Variants in TENM2 observed in about 807,000 individuals in gnomAD.
TENM2 encodes teneurin transmembrane protein 2, also known as teneurin-2.
Under a neutral mutation model 245.2 loss-of-function variants are expected in TENM2, and 52 were observed. The observed-to-expected ratio is 0.21, with a 90% CI of 0.17 to 0.27. The LOEUF is 0.27. TENM2 is among the 10% of genes least tolerant of loss of function. TENM2 has a pLI of 1.00. For missense variants in TENM2, 3,046 were observed against 3,666.8 expected (o/e 0.83, Z 4.37); for synonymous variants, 1,363 against 1,438.9 (o/e 0.95, Z 1.19).
chr5:168,216,970 G>A (rs769921726), intron 22 of TENM2, 48 bp downstream of exon 24: 1 of 1,601,538 alleles, frequency 6.2e-7, no homozygotes. Flanking sequence ...CTGCCCCTTG[G>A]CCTGAGGTTC....
chr5:167,957,789 T>C lies in TENM2; in HGVS notation c.947+4967T>C, dbSNP rs192266646. 2.5e-3 allele frequency among the ~76,000 whole-genome samples: 376 copies of C among 152,314 alleles called. 4 individuals carry two copies. The highest frequency in any genetic ancestry group is 8.4e-3 in the African/African-American group (351 of 41,562). ...TTCCATGTAGTTGTGCAGATTTGAG[T>C]GAGTTTCTTAATCCTGAGTTCTAAT... On this transcript the variant is annotated intron_variant, in intron 4 of 28. Coordinates refer to ENST00000518659, the Ensembl canonical transcript of TENM2.
intron 2 of TENM2, among the ~76,000 whole-genome samples, chr5:167,817,592 C>T (rs1042984236): frequency 6.6e-6 from 1 of 152,048 alleles, no homozygotes; most frequent in Admixed American, 6.5e-5. Flanking sequence ...AAAGTAGAAC[C>T]TTTTCTCTAC....
chr5:167,615,762 G>A (rs1777753809), intron 2 of TENM2, among the ~76,000 whole-genome samples: 1 of 151,950 alleles, frequency 6.6e-6, no homozygotes, highest in African/African-American at 2.4e-5. Flanking sequence ...AAAAAGAAAG[G>A]CAAGCAATCA....
intron 2 of TENM2, among the ~76,000 whole-genome samples, chr5:167,618,828 G>T (rs1490607650): frequency 2.6e-5 from 4 of 152,026 alleles, no homozygotes; most frequent in Non-Finnish European, 5.9e-5. Flanking sequence ...CTGTATAAAT[G>T]TGTCTTATTT....
intron 7 of TENM2, among the ~76,000 whole-genome samples, chr5:168,077,327 C>T (rs1028046795): frequency 1.3e-5 from 2 of 152,236 alleles, no homozygotes; most frequent in Non-Finnish European, 2.9e-5. Flanking sequence ...AAATCTTTTT[C>T]ATTCATGCAA....
chr5:167,691,721 G>A (rs1373167476), intron 2 of TENM2, among the ~76,000 whole-genome samples: 1 of 152,154 alleles, frequency 6.6e-6, no homozygotes. Context: ...CTTCAGGGAA[G>A]AGACGCTGTG....
At chr5:167,090,088 A>AG in the TENM2 span, among the ~76,000 whole-genome samples, 10 of 152,178 alleles carry the variant, frequency 6.6e-5, no homozygotes, top group Non-Finnish European at 1.0e-4. Context: ...TTGAGTGCAC[A>AG]GGTGGGCTTA....
At chr5:168,260,344 G>A (rs373466198) in exon 28 of TENM2, 32 of 1,613,838 alleles carry the variant, frequency 2.0e-5, no homozygotes, top group East Asian at 1.6e-4. Flanking sequence ...CTGGCTTCCC[G>A]AGAGCCAAAA....
the TENM2 span, among the ~76,000 whole-genome samples, chr5:167,090,423 C>T: frequency 5.3e-5 from 8 of 152,014 alleles, no homozygotes; most frequent in African/African-American, 1.2e-4. Flanking sequence ...TTAATTGTTG[C>T]CAAGAAATCT....
At chr5:168,161,329 C>A (rs1010295391) in intron 12 of TENM2, among the ~76,000 whole-genome samples, 5 of 152,058 alleles carry the variant, frequency 3.3e-5, no homozygotes, top group Non-Finnish European at 7.4e-5. Context: ...AGAGATAGGA[C>A]TCGAGATAGA....
chr5:167,551,139 C>T (rs1033420062), intron 2 of TENM2, among the ~76,000 whole-genome samples: 1 of 152,070 alleles, frequency 6.6e-6, no homozygotes, highest in East Asian at 1.9e-4. Context: ...TATGAAAATC[C>T]CTTGAGCCAT....
chr5:167,871,046 G>A (rs556104705), intron 2 of TENM2, among the ~76,000 whole-genome samples: 61 of 152,276 alleles, frequency 4.0e-4, no homozygotes, highest in African/African-American at 1.3e-3. Flanking sequence ...CTTTGGGGAT[G>A]GAGAGGAGAT....
At chr5:167,818,356 G>A (rs1034998932) in intron 2 of TENM2, among the ~76,000 whole-genome samples, 2 of 152,162 alleles carry the variant, frequency 1.3e-5, no homozygotes, top group Non-Finnish European at 2.9e-5. Context: ...TGTGGTTCAT[G>A]CATGTGTGAA....
the TENM2 span, among the ~76,000 whole-genome samples, chr5:167,035,749 T>A: frequency 2.6e-5 from 4 of 152,332 alleles, no homozygotes; most frequent in South Asian, 8.3e-4. Flanking sequence ...GTTTTATTTT[T>A]ATTTATTTAA....
chr5:167,931,460 G>T (rs1223351870), intron 3 of TENM2, among the ~76,000 whole-genome samples: 1 of 149,608 alleles, frequency 6.7e-6, no homozygotes, highest in Non-Finnish European at 1.5e-5. Context: ...TATAATAGTC[G>T]TAGAATATTG....
intron 7 of TENM2, among the ~76,000 whole-genome samples, chr5:168,067,818 T>C (rs1362354414): frequency 6.6e-6 from 1 of 152,108 alleles, no homozygotes; most frequent in Non-Finnish European, 1.5e-5. Flanking sequence ...GGAGCTGAAA[T>C]GTGGAGGCAA....
chr5:167,274,966 T>C, the TENM2 span, among the ~76,000 whole-genome samples: 12 of 152,122 alleles, frequency 7.9e-5, no homozygotes, highest in Non-Finnish European at 2.9e-5. Flanking sequence ...CTTTAATCCT[T>C]TTAACAGGGT....
intron 1 of TENM2, among the ~76,000 whole-genome samples, chr5:167,350,653 G>GATATATATATGGGATACATATATGGAT (rs1561883467): frequency 8.3e-5 from 11 of 131,872 alleles, no homozygotes; most frequent in African/African-American, 1.1e-4. Context: ...TACGTATATG[G>GATATATATATGGGATACATATATGGAT]ATATATATAT....
At chr5:167,214,960 A>T in the TENM2 span, among the ~76,000 whole-genome samples, 1 of 152,074 alleles carries the variant, frequency 6.6e-6, no homozygotes, top group Non-Finnish European at 1.5e-5. Context: ...ATTACCTACC[A>T]TCCCTTCCGA....
Sources: gnomAD v4.1 joint callset for allele counts (sites outside exome capture counted in the v4.1 genomes callset) on GRCh38, gnomAD v4.1.1 for gene constraint, MANE v1.5 for transcripts, NCBI Gene and HGNC (gene_info 2026-07-23, HGNC 2026-07-21) for gene names.